The following RBM20 variants were observed in gnomAD, a reference collection of about 807,000 sequenced individuals.
RBM20 encodes the protein RNA-binding protein 20.
A neutral mutation model predicts 110.1 loss-of-function variants in RBM20; 51 were observed. The observed-to-expected ratio is 0.46, with a 90% confidence interval of 0.37 to 0.59. The LOEUF is 0.59. Among genes scored for constraint, RBM20 ranks in the 20% least tolerant of loss-of-function variants. The pLI is 0.00. For missense variants in RBM20, 1,512 were observed against 1,574.9 expected (o/e 0.96, Z 0.68); for synonymous variants, 589 against 618.2 (o/e 0.95, Z 0.70).
chr10:110,789,420 T>C (rs987318482), intron 5 of RBM20, among the ~76,000 whole-genome samples: 2 of 151,614 alleles, frequency 1.3e-5, no homozygotes, highest in African/African-American at 4.8e-5. Context: ...TTTAGGTTTT[T>C]TTTTTCTCAT....
intron 10 of RBM20, among the ~76,000 whole-genome samples, chr10:110,820,703 T>TG: frequency 6.6e-6 from 1 of 152,368 alleles, no homozygotes; most frequent in South Asian, 2.1e-4. Flanking sequence ...TCTTCGTGCC[T>TG]TTCCGGTCAG....
chr10:110,670,200 T>A (rs1336738811), intron 1 of RBM20, among the ~76,000 whole-genome samples: 1 of 152,230 alleles, frequency 6.6e-6, no homozygotes, highest in Admixed American at 6.5e-5. Flanking sequence ...ATGCATGTTG[T>A]CTTGAGTTGA....
At chr10:110,674,852 A>G (rs775583400) in intron 1 of RBM20, among the ~76,000 whole-genome samples, 2 of 152,184 alleles carry the variant, frequency 1.3e-5, no homozygotes, top group Admixed American at 6.5e-5. Context: ...ATTTGATGTG[A>G]TTGTGTGTCT....
At chr10:110,763,751 C>CCTTTTTTTTTTTTT (rs1554896903) in intron 1 of RBM20, among the ~76,000 whole-genome samples, 1 of 64,384 alleles carries the variant, frequency 1.6e-5, no homozygotes, top group African/African-American at 6.3e-5. Flanking sequence ...GGCTTCTTGG[C>CCTTTTTTTTTTTTT]TTTTTTTTTT....
At chr10:110,689,874 T>C (rs1045652421) in intron 1 of RBM20, among the ~76,000 whole-genome samples, 1 of 152,224 alleles carries the variant, frequency 6.6e-6, no homozygotes, top group Non-Finnish European at 1.5e-5. Context: ...GATTCTGGAT[T>C]GCATATATTT....
At chr10:110,808,851 C>T (rs1265996505) in intron 7 of RBM20, among the ~76,000 whole-genome samples, 70 of 152,282 alleles carry the variant, frequency 4.6e-4, no homozygotes, top group Non-Finnish European at 1.2e-4. Context: ...AGCTAGATCA[C>T]ATCTCTGGAC....
chr10:110,821,279 A>G lies in RBM20; in HGVS notation c.2660A>G (p.Gln887Arg). 6.5e-7 allele frequency: 1 copy of G among 1,550,034 alleles called. No homozygotes were observed. Among genetic ancestry groups the G allele is most frequent in the Non-Finnish European group, 8.7e-7 (1 of 1,145,648 alleles). The change falls in exon 11 of 14, where the codon CAA becomes CGA. Residue 887 changes from glutamine (Q) to arginine (R), a missense_variant. Gln to Arg is a conservative substitution (Grantham distance 43, BLOSUM62 1). Around this residue, in one of 3 missense-constraint regions of RBM20, gnomAD observed 1,149 missense variants for 1,169.4 expected, o/e 0.98. Coordinates refer to ENST00000369519, the MANE Select transcript of RBM20 (RefSeq NM_001134363.3). ...DPENTRTKKE[Q>R]DWESESEAEG... ...CCATTCTGCATTTTTGTACAGGAACAAGATTGGGAGAGTGAAAGTGAGGCA... is the reference window on the plus strand; with the variant it reads ...CCATTCTGCATTTTTGTACAGGAACGAGATTGGGAGAGTGAAAGTGAGGCA...
At chr10:110,712,885 T>C (rs1862957150) in intron 1 of RBM20, among the ~76,000 whole-genome samples, 1 of 152,258 alleles carries the variant, frequency 6.6e-6, no homozygotes. Context: ...GTTTTTGCTC[T>C]TTTCTGTGAT....
intron 1 of RBM20, among the ~76,000 whole-genome samples, chr10:110,673,186 G>A (rs1862286430): frequency 6.6e-6 from 1 of 151,948 alleles, no homozygotes; most frequent in African/African-American, 2.4e-5. Context: ...TTCCTGAATG[G>A]CTTTTCTTTC....
At chr10:110,768,216 C>A (rs1006332092) in intron 1 of RBM20, among the ~76,000 whole-genome samples, 3 of 150,932 alleles carry the variant, frequency 2.0e-5, no homozygotes, top group African/African-American at 7.3e-5. Flanking sequence ...AGAGGTAGAC[C>A]GTGGAAAGAG....
chr10:110,830,916 G>T, intron 12 of RBM20, 145 bp from the exon 13 acceptor site: 1 of 725,694 alleles, frequency 1.4e-6, no homozygotes, highest in Non-Finnish European at 2.2e-6. Flanking sequence ...ACTGAGGCTT[G>T]GAGAAGCTCA....
At chr10:110,715,538 T>C (rs994468285) in intron 1 of RBM20, among the ~76,000 whole-genome samples, 2 of 152,234 alleles carry the variant, frequency 1.3e-5, no homozygotes, top group African/African-American at 4.8e-5. Context: ...TCTTTTTTGT[T>C]AAGTCCTGAT....
At chr10:110,705,459 G>A (rs184516080) in intron 1 of RBM20, among the ~76,000 whole-genome samples, 2 of 152,248 alleles carry the variant, frequency 1.3e-5, no homozygotes. Flanking sequence ...GTTTTAACCA[G>A]TGAATCGATA....
intron 1 of RBM20, among the ~76,000 whole-genome samples, chr10:110,733,025 C>T (rs1015408877): frequency 3.9e-5 from 6 of 152,180 alleles, no homozygotes; most frequent in East Asian, 3.8e-4. Flanking sequence ...ACCAGGATCC[C>T]TGCTGGACAT....
At chr10:110,671,417 TAGG>T (rs1262464356) in intron 1 of RBM20, among the ~76,000 whole-genome samples, 1 of 152,224 alleles carries the variant, frequency 6.6e-6, no homozygotes, top group Non-Finnish European at 1.5e-5. Context: ...AGCAGTAACA[TAGG>T]AGGATATTGG....
chr10:110,717,877 A>T (rs559729349), intron 1 of RBM20, among the ~76,000 whole-genome samples: 13 of 152,326 alleles, frequency 8.5e-5, no homozygotes, highest in East Asian at 1.9e-4. Context: ...TCACTGTGCG[A>T]GGGAGGAGCC....
At chr10:110,658,567 G>A (rs557634685) in intron 1 of RBM20, among the ~76,000 whole-genome samples, 3 of 152,116 alleles carry the variant, frequency 2.0e-5, no homozygotes, top group Non-Finnish European at 2.9e-5. Context: ...CCTTGTCCCT[G>A]CCCACTGCCG....
In RBM20 at chr10:110,812,406, G is replaced by A. The variant is rs2135104151; in HGVS notation, c.2009G>A (p.Gly670Asp). 3 of 1,551,702 alleles carry A rather than the reference G, an allele frequency of 1.9e-6. No individual in the cohort carries two copies. Among genetic ancestry groups the A allele is most frequent in the Non-Finnish European group, 8.7e-7 (1 of 1,147,004 alleles). Reference sequence around the variant, plus strand: ...CCGGGCCCCTCCCGGGCTGACTGGGGCAATGGCCGGGACTCCTGGGAGCAC... The same window carrying A: ...CCGGGCCCCTCCCGGGCTGACTGGGACAATGGCCGGGACTCCTGGGAGCAC... ...SPPGPSRADW[G>D]NGRDSWEHSP... is the part of the protein sequence containing the mutation. Residue 670 changes from glycine to aspartate, a missense_variant, in exon 9 of 14, where the codon GGC becomes GAC. Physicochemically the swap from Gly to Asp is moderately conservative, Grantham distance 94. Transcript: ENST00000369519.
intron 1 of RBM20, among the ~76,000 whole-genome samples, chr10:110,659,329 T>C (rs182391592): frequency 1.1e-3 from 163 of 152,344 alleles, no homozygotes; most frequent in Non-Finnish European, 1.3e-3. Flanking sequence ...CTCAAGCCAC[T>C]GTGTGACCAG....
Sources: gnomAD v4.1 joint callset for allele counts (sites outside exome capture counted in the v4.1 genomes callset) on GRCh38, gnomAD v4.1.1 for gene constraint, gnomAD v4.1.1 regional missense constraint, MANE v1.5 for transcripts, NCBI Gene and HGNC (gene_info 2026-07-23, HGNC 2026-07-21) for gene names.